FYN: variants seen among roughly 807,000 people sequenced by gnomAD.
FYN encodes tyrosine-protein kinase Fyn.
A neutral mutation model predicts 70.2 loss-of-function variants in FYN; 10 were observed. That is an observed-to-expected ratio of 0.14 (90% CI 0.09 to 0.24). FYN has a LOEUF of 0.24. FYN is among the 10% of genes least tolerant of loss of function. The pLI, the probability that FYN is intolerant of heterozygous loss-of-function variation, is 1.00. For synonymous variants in FYN, 236 were observed against 248.6 expected, an observed-to-expected ratio of 0.95 and a Z score of 0.48; for missense variants, 319 against 673.1, an observed-to-expected ratio of 0.47 and a Z score of 5.82.
intron 13 of FYN, among the ~76,000 whole-genome samples, chr6:111,662,529 T>C (rs1334022934): frequency 6.6e-6 from 1 of 152,218 alleles, no homozygotes; most frequent in Non-Finnish European, 1.5e-5. Context: ...TGACTGTTTA[T>C]GTTTGTCAAA....
At chr6:111,706,368 A>G (rs1195273797) in intron 6 of FYN, among the ~76,000 whole-genome samples, 1 of 152,244 alleles carries the variant, frequency 6.6e-6, no homozygotes, top group East Asian at 1.9e-4. Context: ...GAATATAGGT[A>G]TCATGAGTTC....
chr6:111,678,213 C>T (rs1462480045), intron 12 of FYN, among the ~76,000 whole-genome samples: 1 of 149,118 alleles, frequency 6.7e-6, no homozygotes, highest in East Asian at 2.0e-4. Flanking sequence ...GCAAATTTTA[C>T]CAAACTCCCA....
At chr6:111,868,288 C>T (rs1408575763) in intron 1 of FYN, among the ~76,000 whole-genome samples, 1 of 152,096 alleles carries the variant, frequency 6.6e-6, no homozygotes, top group Non-Finnish European at 1.5e-5. Flanking sequence ...TTGCCTTGAA[C>T]CATCGAATTA....
At chr6:111,699,913 CTTTTT>C (rs71021861) in intron 9 of FYN, 186 bp downstream of exon 9, 5,688 of 186,384 alleles carry the variant, frequency 0.031, 280 homozygotes, top group African/African-American at 0.15. Flanking sequence ...CACTTACTAT[CTTTTT>C]TTTTTTTTTT....
intron 2 of FYN, among the ~76,000 whole-genome samples, chr6:111,810,674 C>A (rs1362328247): frequency 6.6e-6 from 1 of 152,138 alleles, no homozygotes; most frequent in Admixed American, 6.5e-5. Context: ...AAGCCCAGTG[C>A]CTGGGTGCAC....
At chr6:111,799,034 G>A (rs927715171) in intron 2 of FYN, among the ~76,000 whole-genome samples, 1 of 152,128 alleles carries the variant, frequency 6.6e-6, no homozygotes, top group East Asian at 1.9e-4. Context: ...ATCTTGAAAC[G>A]TTCAGGAACC....
intron 2 of FYN, among the ~76,000 whole-genome samples, chr6:111,787,927 T>A (rs1771460207): frequency 6.6e-6 from 1 of 152,158 alleles, no homozygotes. Flanking sequence ...TCCACCATCA[T>A]TCCAAACCCA....
chr6:111,848,968 GGAA>G (rs1773607182), intron 1 of FYN, among the ~76,000 whole-genome samples: 1 of 152,038 alleles, frequency 6.6e-6, no homozygotes, highest in Non-Finnish European at 1.5e-5. Context: ...CAAGACTAAG[GGAA>G]GATAGGCTTC....
intron 7 of FYN, 91 bp from the exon 8 acceptor site, chr6:111,703,125 ACC>A: frequency 8.3e-7 from 1 of 1,205,712 alleles, no homozygotes; most frequent in Non-Finnish European, 1.2e-6. Flanking sequence ...ATTAATAATT[ACC>A]AAGGATGCAC....
intron 2 of FYN, among the ~76,000 whole-genome samples, chr6:111,841,548 C>A (rs963641534): frequency 6.6e-6 from 1 of 152,192 alleles, no homozygotes; most frequent in Non-Finnish European, 1.5e-5. Context: ...ATTTTCCTCA[C>A]ATACAACGTG....
intron 12 of FYN, among the ~76,000 whole-genome samples, chr6:111,681,874 G>A (rs759495009): frequency 6.6e-6 from 1 of 152,060 alleles, no homozygotes; most frequent in African/African-American, 2.4e-5. Flanking sequence ...GCCAAACAAA[G>A]GACAAGTGTA....
At chr6:111,835,630 A>AT (rs557545110) in intron 2 of FYN, among the ~76,000 whole-genome samples, 1,870 of 150,098 alleles carry the variant, frequency 0.012, 40 homozygotes, top group African/African-American at 0.044. Context: ...TAAACATTTG[A>AT]TTTTTTTTTA....
At position 111,742,735 on chromosome 6, in the gene FYN, T is replaced by C. The variant is rs1183681104; in HGVS notation, c.-11-22673A>G. Among the ~76,000 whole-genome samples the C allele has an allele frequency of 2.0e-5, 3 of 152,340 alleles. No homozygotes were observed. In the East Asian group the frequency reaches 5.8e-4, roughly 29 times the overall value. On this transcript the variant is annotated intron_variant, in intron 3 of 13. Transcript: ENST00000354650. Reference sequence around the variant, plus strand: ...AAAGCCAAACACAAAGATGGGAATATATCATTTACCATCTTATGTCAAAAG... The same window carrying C: ...AAAGCCAAACACAAAGATGGGAATACATCATTTACCATCTTATGTCAAAAG...
At chr6:111,783,717 T>C (rs1025253188) in intron 2 of FYN, among the ~76,000 whole-genome samples, 1 of 152,254 alleles carries the variant, frequency 6.6e-6, no homozygotes, top group Non-Finnish European at 1.5e-5. Flanking sequence ...TCATTCCCTC[T>C]TTCTTCTTCC....
chr6:111,711,987 G>A lies in FYN; in HGVS notation c.344+2360C>T, dbSNP rs1457527908. On this transcript the variant is annotated intron_variant, in intron 5 of 13. Coordinates refer to ENST00000354650, the MANE Select transcript of FYN (RefSeq NM_002037.5). ...TTCCTCTACAAGAACAGGGTTGGAG[G>A]CTCAAAGGACTCCGTAAACATCAAA... 2.0e-5 allele frequency among the ~76,000 whole-genome samples: 3 copies of A among 152,306 alleles called. No homozygotes were observed. The South Asian group carries it at 6.2e-4, about 32-fold the overall frequency.
intron 9 of FYN, 177 bp downstream of exon 9, chr6:111,699,913 CTTTTTTTTTTTTTT>C: frequency 1.1e-5 from 2 of 185,800 alleles, no homozygotes; most frequent in South Asian, 9.4e-5. Context: ...CACTTACTAT[CTTTTTTTTTTTTTT>C]TTTTTTTTTT....
At chr6:111,688,866 T>TGA (rs1015243192) in intron 12 of FYN, among the ~76,000 whole-genome samples, 18 of 151,770 alleles carry the variant, frequency 1.2e-4, no homozygotes, top group Admixed American at 4.6e-4. Flanking sequence ...GTGTCCGGGG[T>TGA]GAGGGGGCCC....
chr6:111,759,011 T>G (rs1802875426), intron 3 of FYN: 1 of 152,552 alleles, frequency 6.6e-6, no homozygotes, highest in South Asian at 2.1e-4. Flanking sequence ...CCACATCTTG[T>G]CCACCGGCCA....
At chr6:111,698,235 G>A (rs1259535347) in intron 9 of FYN, among the ~76,000 whole-genome samples, 3 of 152,170 alleles carry the variant, frequency 2.0e-5, no homozygotes, top group Non-Finnish European at 4.4e-5. Context: ...CCAGGTTCAA[G>A]TGATTCTCCT....
Sources: gnomAD v4.1 joint callset for allele counts (sites outside exome capture counted in the v4.1 genomes callset) on GRCh38, gnomAD v4.1.1 for gene constraint, MANE v1.5 for transcripts, NCBI Gene and HGNC (gene_info 2026-07-23, HGNC 2026-07-21) for gene names.